The following ITPR2 variants were observed in gnomAD, a reference collection of about 807,000 sequenced individuals.
ITPR2 encodes inositol 1,4,5-trisphosphate receptor type 2, also known as inositol 1,4,5-trisphosphate-gated calcium channel ITPR2.
A neutral mutation model predicts 317.1 loss-of-function variants in ITPR2; 207 were observed. That is an observed-to-expected ratio of 0.65 (90% CI 0.58 to 0.73). ITPR2 has a LOEUF of 0.73. Ranked by LOEUF, ITPR2 falls within the 30% of genes least tolerant of loss-of-function variation. The pLI, the probability that ITPR2 is intolerant of heterozygous loss-of-function variation, is 0.00. For synonymous variants in ITPR2, 1,156 were observed against 1,149.1 expected (o/e 1.01, Z -0.12); for missense variants, 2,613 against 3,284.0 (o/e 0.80, Z 4.99).
chr12:26,673,405 A>G (rs1947834598), intron 13 of ITPR2, among the ~76,000 whole-genome samples: 1 of 151,832 alleles, frequency 6.6e-6, no homozygotes, highest in Non-Finnish European at 1.5e-5. Context: ...CAAATCACTA[A>G]ATGTAATCCA....
rs190039455 is a variant in ITPR2, at chr12:26,612,198, G to A, written c.3462+8925C>T. On this transcript the variant is annotated intron_variant, in intron 26 of 56. Transcript: ENST00000381340. Reference sequence around the variant, plus strand: ...CAGAGTATACCAAATTTACCACTGAGGGAAAAAACTTTTTTTCCCCTCACG... The same window carrying A: ...CAGAGTATACCAAATTTACCACTGAAGGAAAAAACTTTTTTTCCCCTCACG... 1.3e-3 allele frequency among the ~76,000 whole-genome samples: 195 copies of A among 152,090 alleles called. 1 individual carries two copies. The highest frequency in any genetic ancestry group is 2.4e-3 in the Non-Finnish European group (160 of 67,998).
At chr12:26,541,299 A>C (rs1297246209) in intron 37 of ITPR2, among the ~76,000 whole-genome samples, 2 of 152,130 alleles carry the variant, frequency 1.3e-5, no homozygotes, top group East Asian at 3.8e-4. Flanking sequence ...CATGGGTGAC[A>C]AGAGTGAAAC....
At chr12:26,820,280 T>C (rs1057166497) in intron 1 of ITPR2, among the ~76,000 whole-genome samples, 1 of 152,108 alleles carries the variant, frequency 6.6e-6, no homozygotes, top group Non-Finnish European at 1.5e-5. Context: ...ATATGAGACA[T>C]TATATTGACT....
chr12:26,612,192 C>T (rs1276921263), intron 26 of ITPR2, among the ~76,000 whole-genome samples: 1 of 152,030 alleles, frequency 6.6e-6, no homozygotes, highest in Non-Finnish European at 1.5e-5. Context: ...CCAAATTTAC[C>T]ACTGAGGGAA....
chr12:26,415,111 A>G (rs2136677907), intron 51 of ITPR2, among the ~76,000 whole-genome samples, 192 bp downstream of exon 51: 1 of 152,194 alleles, frequency 6.6e-6, no homozygotes, highest in Non-Finnish European at 1.5e-5. Flanking sequence ...GTATTTCCCT[A>G]TACACATTGA....
intron 41 of ITPR2, among the ~76,000 whole-genome samples, chr12:26,484,542 T>C (rs1262443643): frequency 6.6e-6 from 1 of 152,174 alleles, no homozygotes; most frequent in Non-Finnish European, 1.5e-5. Context: ...ATCATATGTA[T>C]GGTAATGTGA....
At chr12:26,772,239 T>A (rs931671657) in intron 2 of ITPR2, among the ~76,000 whole-genome samples, 3 of 151,504 alleles carry the variant, frequency 2.0e-5, no homozygotes, top group Non-Finnish European at 4.4e-5. Flanking sequence ...CTACATGTCC[T>A]TCCCTACAGG....
chr12:26,432,894 C>T (rs1941250036), intron 48 of ITPR2, among the ~76,000 whole-genome samples: 1 of 152,156 alleles, frequency 6.6e-6, no homozygotes, highest in Non-Finnish European at 1.5e-5. Flanking sequence ...CATCTTTAAT[C>T]TCACCCACCT....
chr12:26,675,083 T>C (rs1947876709), intron 13 of ITPR2, among the ~76,000 whole-genome samples: 1 of 151,672 alleles, frequency 6.6e-6, no homozygotes. Context: ...ATAGGAACAC[T>C]TTTACACTGT....
At chr12:26,804,772 G>A (rs529889399) in intron 1 of ITPR2, among the ~76,000 whole-genome samples, 57 of 151,992 alleles carry the variant, frequency 3.8e-4, no homozygotes, top group African/African-American at 1.3e-3. Context: ...GTCTCTCTCT[G>A]TCACCCAGGC....
intron 37 of ITPR2, among the ~76,000 whole-genome samples, chr12:26,527,675 T>A (rs1023976575): frequency 6.6e-6 from 1 of 152,210 alleles, no homozygotes; most frequent in Admixed American, 6.5e-5. Flanking sequence ...ATACTAATGG[T>A]TTGTTATTCA....
chr12:26,624,101 T>C (rs911620717), intron 24 of ITPR2, among the ~76,000 whole-genome samples, 198 bp downstream of exon 24: 1 of 152,194 alleles, frequency 6.6e-6, no homozygotes, highest in Admixed American at 6.5e-5. Context: ...CTTGTCCTTT[T>C]TTTTACCTGA....
chr12:26,594,150 G>A (rs888875812), intron 32 of ITPR2, among the ~76,000 whole-genome samples: 2 of 152,160 alleles, frequency 1.3e-5, no homozygotes, highest in African/African-American at 4.8e-5. Context: ...AAAACAGGAC[G>A]ATTTCTCTAC....
chr12:26,486,293 T>C lies in ITPR2; in HGVS notation c.5622A>G (p.Thr1874=), dbSNP rs1373041249. ...TTCTGTATACACAATATGCTTTGGA[T>C]GTTGCTGAAGAAGCTTCTGTTAATT... The part of the protein sequence containing the change: ...KGQLTEASSA[T]SKAYCVYRRE... The change falls in exon 41 of 57, where the codon ACA becomes ACG. Residue 1874 remains threonine, a synonymous_variant. Transcript: ENST00000381340. 1.1e-5 allele frequency: 17 copies of C among 1,613,850 alleles called. No individual in the cohort carries two copies. The highest frequency in any genetic ancestry group is 1.4e-5 in the Non-Finnish European group (16 of 1,179,808).
At chr12:26,521,800 G>A (rs10842747) in intron 37 of ITPR2, among the ~76,000 whole-genome samples, 91,931 of 151,960 alleles carry the variant, frequency 0.6, 30,492 homozygotes, top group Non-Finnish European at 0.77. Context: ...GGGATTAGCT[G>A]GTCCCTTTTT....
At position 26,632,045 on chromosome 12, in the gene ITPR2, T is replaced by C; in HGVS notation, c.2755A>G (p.Arg919Gly). ...KFQDGGNNVM[R>G]TIHGVGEMMT... ...ATCTCTCCCACCCCATGAATGGTTC[T>C]CATCACATTGTTTCCTGGCATGAGA... Residue 919 changes from arginine to glycine, a missense_variant, in exon 22 of 57, where the codon AGA (arginine) becomes GGA (glycine). Physicochemically the swap from Arg to Gly is moderately radical, Grantham distance 125 (BLOSUM62 -2). Coordinates refer to ENST00000381340, the MANE Select transcript of ITPR2 (RefSeq NM_002223.4). 6.4e-7 allele frequency: 1 copy of C among 1,560,554 alleles called. No individual in the cohort carries two copies. Among genetic ancestry groups the C allele is most frequent in the Non-Finnish European group, 8.7e-7 (1 of 1,155,556 alleles).
At chr12:26,597,156 C>T in intron 30 of ITPR2, 22 bp from the exon 31 acceptor site, 1 of 1,612,468 alleles carries the variant, frequency 6.2e-7, no homozygotes. Flanking sequence ...ATAAGAGAGT[C>T]TATGTAGCAG....
chr12:26,513,754 A>T (rs1414659205), intron 37 of ITPR2, among the ~76,000 whole-genome samples: 2 of 38,374 alleles, frequency 5.2e-5, no homozygotes, highest in Non-Finnish European at 1.6e-4. Context: ...ATTATCACAC[A>T]CACACACACA....
chr12:26,561,963 A>T lies in ITPR2; in HGVS notation c.4631-11T>A, dbSNP rs1319928442. 6.6e-7 allele frequency: 1 copy of T among 1,505,736 alleles called. No homozygotes were observed. Among genetic ancestry groups the T allele is most frequent in the Non-Finnish European group, 8.8e-7 (1 of 1,133,246 alleles). 93.3% of individuals were successfully genotyped at this position (1,505,736 alleles called of 1,614,324 possible). On this transcript the variant is annotated splice_polypyrimidine_tract_variant and intron_variant, in intron 34 of 56. Transcript: ENST00000381340. ...TTCCACGATTTTTTGCTGAAAAAGAAAGATTTAAAATATTTCCCTCTTAAT... is the reference window on the plus strand; with the variant it reads ...TTCCACGATTTTTTGCTGAAAAAGATAGATTTAAAATATTTCCCTCTTAAT...
Sources: allele counts gnomAD v4.1 joint callset (sites outside exome capture counted in the v4.1 genomes callset), GRCh38; gene constraint gnomAD v4.1.1; transcripts MANE v1.5; gene names NCBI Gene and HGNC (gene_info 2026-07-23, HGNC 2026-07-21).